STMN4: variants seen among roughly 807,000 people sequenced by gnomAD.
STMN4 encodes the protein stathmin 4, also known as stathmin-4.
Under a neutral mutation model 29.1 loss-of-function variants are expected in STMN4, and 12 were observed. The ratio of observed to expected loss-of-function variants is 0.41; its 90% CI spans 0.26 to 0.67. STMN4 has a LOEUF of 0.67. Ranked by LOEUF, STMN4 falls within the 30% of genes least tolerant of loss-of-function variation. The probability of loss-of-function intolerance (pLI) is 0.30; values close to 1 mark genes in which losing one functional copy is unlikely to be tolerated. For synonymous variants in STMN4, 114 were observed against 105.3 expected, an observed-to-expected ratio of 1.08 and a Z score of -0.51; for missense variants, 181 against 262.8, an observed-to-expected ratio of 0.69 and a Z score of 2.15.
At chr8:27,247,455 C>T (rs542468764) in intron 1 of STMN4, among the ~76,000 whole-genome samples, 1 of 152,160 alleles carries the variant, frequency 6.6e-6, no homozygotes, top group African/African-American at 2.4e-5. Context: ...GTCTTTGCCA[C>T]TGGGTGGCGC....
chr8:27,254,592 CTA>C (rs892313034), intron 1 of STMN4, among the ~76,000 whole-genome samples: 2 of 151,240 alleles, frequency 1.3e-5, no homozygotes, highest in African/African-American at 4.9e-5. Context: ...ATAGGTATGC[CTA>C]TGTGTGTGTA....
chr8:27,236,813 G>A lies in STMN4; in HGVS notation c.*33C>T, dbSNP rs748638426. The A allele has an allele frequency of 1.2e-5, 19 of 1,571,456 alleles. 1 individual carries two copies. Among genetic ancestry groups the A allele is most frequent in the African/African-American group, 8.2e-5 (6 of 72,958 alleles). On this transcript the variant is annotated 3_prime_UTR_variant, in exon 7 of 7. Transcript: ENST00000350889. ...GAACGTGGAGCTGCTGGAGCTGTCC[G>A]GCTGACCTGGAAAGTTCTTTGGCCT...
chr8:27,253,824 C>T (rs1235267159), intron 1 of STMN4, among the ~76,000 whole-genome samples: 1 of 151,802 alleles, frequency 6.6e-6, no homozygotes, highest in Non-Finnish European at 1.5e-5. Flanking sequence ...GCTCTGTCAC[C>T]CAGGGTGGAG....
rs757947159 is a variant in STMN4 at position 27,236,800 on chromosome 8, G to A, written c.*46C>T. On this transcript the variant is annotated 3_prime_UTR_variant, in exon 7 of 7. Transcript: ENST00000350889. ...GCGAGGCTGCCTGGAACGTGGAGCT[G>A]CTGGAGCTGTCCGGCTGACCTGGAA... is the stretch of plus-strand genomic sequence containing the variant. The A allele has an allele frequency of 6.5e-7, 1 of 1,542,390 alleles. No individual in the cohort carries two copies. The highest frequency in any genetic ancestry group is 2.0e-5 in the Admixed American group (1 of 50,116).
In STMN4 at chr8:27,239,960, G is replaced by C. The variant is rs536056656; in HGVS notation, c.591+11C>G. 5 of 1,614,208 alleles carry C rather than the reference G, an allele frequency of 3.1e-6. No individual in the cohort carries two copies. In the African/African-American group the frequency reaches 5.3e-5, roughly 17 times the overall value. On this transcript the variant is annotated intron_variant, in intron 6 of 6. Transcript: ENST00000350889. ...TCCCAGGAAACTCCTCTCTAGCCAG[G>C]GACCCCTCACCTTCTCTTGCAGCCG... is the stretch of plus-strand genomic sequence containing the variant.
chr8:27,237,081 A>G (rs1390300973), intron 6 of STMN4, among the ~76,000 whole-genome samples, 176 bp from the exon 7 acceptor site: 1 of 152,170 alleles, frequency 6.6e-6, no homozygotes, highest in Non-Finnish European at 1.5e-5. Context: ...GGCAGGAGGC[A>G]GGGGGCAAGC....
Position 27,241,326 on chromosome 8 carries a change from C to T in STMN4, c.191-64G>A, listed in dbSNP as rs530505598. ...AATGCACAGGCACCCAGCAAGCATG[C>T]GGCGCATGCACACGGGAGTGGGAGA... On this transcript the variant is annotated intron_variant, in intron 4 of 6. Transcript: ENST00000350889. The T allele has an allele frequency of 1.6e-5, 26 of 1,598,312 alleles. No homozygotes were observed. In the African/African-American group the frequency reaches 2.3e-4, roughly 14 times the overall value.
intron 1 of STMN4, among the ~76,000 whole-genome samples, chr8:27,248,873 A>C (rs1224861818): frequency 2.0e-5 from 3 of 152,236 alleles, no homozygotes; most frequent in Non-Finnish European, 2.9e-5. Context: ...GAAGCCAAAT[A>C]GCAGTCTGGG....
rs2130065578 is a variant in STMN4, at chr8:27,241,186, T to C, written c.267A>G (p.Gln89=). ...VIELNKCTSG[Q]SFEVILKPPS... is the part of the protein sequence containing the mutation. ...GTGGCTTCAGGATGACTTCAAAGGA[T>C]TGGCCCGAGGTGCATTTGTTCAGCT... The change falls in exon 5 of 7, where the codon CAA becomes CAG. Residue 89 remains glutamine (Q), a synonymous_variant. Coordinates refer to ENST00000350889, the MANE Select transcript of STMN4 (RefSeq NM_030795.4). 3.1e-6 allele frequency: 5 copies of C among 1,614,220 alleles called. No individual in the cohort carries two copies. Among genetic ancestry groups the C allele is most frequent in the Non-Finnish European group, 4.2e-6 (5 of 1,180,036 alleles).
chr8:27,249,065 T>C (rs1366994036), intron 1 of STMN4, among the ~76,000 whole-genome samples: 1 of 152,054 alleles, frequency 6.6e-6, no homozygotes, highest in East Asian at 1.9e-4. Flanking sequence ...ATTAGCATAA[T>C]TGTTAAGAAA....
intron 6 of STMN4, among the ~76,000 whole-genome samples, chr8:27,237,455 A>T (rs2130036074): frequency 6.6e-6 from 1 of 152,234 alleles, no homozygotes; most frequent in African/African-American, 2.4e-5. Context: ...GGATCTTGCT[A>T]TGTTGCCCAG....
chr8:27,255,809 C>G (rs969146314), intron 1 of STMN4, among the ~76,000 whole-genome samples: 3 of 152,076 alleles, frequency 2.0e-5, no homozygotes, highest in African/African-American at 7.2e-5. Flanking sequence ...TTTTATTGAA[C>G]CAAAGTGAAA....
chr8:27,236,741 C>T lies in STMN4; in HGVS notation c.*105G>A. On this transcript the variant is annotated 3_prime_UTR_variant, in exon 7 of 7. Transcript: ENST00000350889. ...AAACGCCCCTTGGCCACCCCCCTCC[C>T]CCCAAACCCCAGTGCTGGGAGCGCA... 1 of 1,113,952 alleles carries T rather than the reference C, an allele frequency of 9.0e-7. No homozygotes were observed. Among genetic ancestry groups the T allele is most frequent in the Non-Finnish European group, 1.2e-6 (1 of 813,316 alleles). 69.0% of individuals were successfully genotyped at this position (1,113,952 alleles called of 1,614,324 possible). A position where few individuals can be genotyped will look rare whatever the true frequency, so the allele number is the denominator to read the frequency against.
intron 1 of STMN4, among the ~76,000 whole-genome samples, chr8:27,253,533 C>T (rs1204497137): frequency 6.6e-6 from 1 of 152,168 alleles, no homozygotes; most frequent in East Asian, 1.9e-4. Flanking sequence ...TGAGGATCTA[C>T]TATGTGCATT....
At chr8:27,246,291 G>T (rs1323861835) in intron 1 of STMN4, among the ~76,000 whole-genome samples, 1 of 152,180 alleles carries the variant, frequency 6.6e-6, no homozygotes. Context: ...GTGGGCAGAG[G>T]TATGCATGGT....
intron 1 of STMN4, among the ~76,000 whole-genome samples, chr8:27,246,109 A>G (rs890689705): frequency 2.0e-5 from 3 of 152,178 alleles, no homozygotes; most frequent in South Asian, 2.1e-4. Context: ...TGCTTTCTCT[A>G]TGGTCCTGAG....
intron 4 of STMN4, 56 bp from the exon 5 acceptor site, chr8:27,241,318 C>T (rs1025585791): frequency 6.2e-7 from 1 of 1,607,028 alleles, no homozygotes; most frequent in African/African-American, 1.3e-5. Context: ...AGGCACCCAG[C>T]AAGCATGCGG....
Position 27,241,406 on chromosome 8 carries a change from T to C in STMN4, c.191-144A>G, listed in dbSNP as rs1801467289. On this transcript the variant is annotated intron_variant, in intron 4 of 6. Transcript: ENST00000350889. ...GGTCTGGCTTAGTCCTACACCCTAG[T>C]ACCTAAGGGCAATGGCCTCTGACGG... 4.2e-6 allele frequency: 4 copies of C among 957,032 alleles called. No individual in the cohort carries two copies. The Admixed American group carries it at 7.1e-5, about 17-fold the overall frequency. The allele number at this position is 957,032 out of a possible 1,614,324, so 59.3% of individuals were successfully genotyped here.
At chr8:27,244,609 A>G (rs1328178205) in intron 1 of STMN4, among the ~76,000 whole-genome samples, 1 of 152,116 alleles carries the variant, frequency 6.6e-6, no homozygotes. Flanking sequence ...GCCTTGAAGG[A>G]TGAGTTAGAA....
Sources: allele counts gnomAD v4.1 joint callset (sites outside exome capture counted in the v4.1 genomes callset), GRCh38; gene constraint gnomAD v4.1.1; transcripts MANE v1.5; gene names NCBI Gene and HGNC (gene_info 2026-07-23, HGNC 2026-07-21).